Variants in CLGN observed in about 807,000 individuals in gnomAD.
The protein encoded by CLGN is calmegin.
A neutral mutation model predicts 79.1 loss-of-function variants in CLGN; 62 were observed. The observed-to-expected ratio is 0.78, with a 90% CI of 0.64 to 0.97. The LOEUF is 0.97. Among genes scored for constraint, CLGN ranks in the 50% least tolerant of loss-of-function variants. CLGN has a pLI of 0.00. For missense variants in CLGN, 647 were observed against 715.5 expected, an observed-to-expected ratio of 0.90 and a Z score of 1.09; for synonymous variants, 225 against 224.7, an observed-to-expected ratio of 1.00 and a Z score of -0.01.
intron 7 of CLGN, among the ~76,000 whole-genome samples, chr4:140,399,926 T>G (rs1728966919): frequency 6.6e-6 from 1 of 152,300 alleles, no homozygotes; most frequent in Admixed American, 6.5e-5. Context: ...AAGTCTAAAC[T>G]TTTTAGTCTG....
At chr4:140,423,967 A>C (rs1729517499) in intron 1 of CLGN, among the ~76,000 whole-genome samples, 1 of 151,610 alleles carries the variant, frequency 6.6e-6, no homozygotes, top group Non-Finnish European at 1.5e-5. Flanking sequence ...CGAAGAATTA[A>C]CTCTTGATTT....
chr4:140,405,395 A>G (rs1041201972), intron 5 of CLGN, among the ~76,000 whole-genome samples: 4 of 150,732 alleles, frequency 2.7e-5, no homozygotes, highest in Admixed American at 6.6e-5. Flanking sequence ...CGTTTTAGCC[A>G]GGATGGTCTC....
chr4:140,407,437 T>C (rs1419315381), intron 4 of CLGN, among the ~76,000 whole-genome samples: 6 of 152,010 alleles, frequency 3.9e-5, no homozygotes, highest in Admixed American at 3.9e-4. Flanking sequence ...CCCAAAAGAC[T>C]CATCCAATAG....
At chr4:140,405,620 T>G (rs1729092635) in intron 5 of CLGN, among the ~76,000 whole-genome samples, 1 of 152,218 alleles carries the variant, frequency 6.6e-6, no homozygotes, top group African/African-American at 2.4e-5. Flanking sequence ...AAACTATTTA[T>G]TCCTCATTTA....
intron 7 of CLGN, among the ~76,000 whole-genome samples, chr4:140,399,325 G>T (rs1728953815): frequency 6.6e-6 from 1 of 152,112 alleles, no homozygotes; most frequent in Non-Finnish European, 1.5e-5. Flanking sequence ...TAACGAGTCA[G>T]CTTCACTCTT....
At chr4:140,397,834 G>T (rs1447964755) in intron 8 of CLGN, among the ~76,000 whole-genome samples, 1 of 152,184 alleles carries the variant, frequency 6.6e-6, no homozygotes, top group Non-Finnish European at 1.5e-5. Flanking sequence ...AACCCAGGAG[G>T]CAGAGGCTGC....
At chr4:140,422,545 T>G (rs1729490553) in intron 1 of CLGN, among the ~76,000 whole-genome samples, 2 of 152,256 alleles carry the variant, frequency 1.3e-5, no homozygotes, top group South Asian at 4.1e-4. Flanking sequence ...CTTAATTTCC[T>G]GTTCATTGTT....
chr4:140,420,723 T>C (rs1729454602), intron 1 of CLGN, among the ~76,000 whole-genome samples: 1 of 152,134 alleles, frequency 6.6e-6, no homozygotes, highest in African/African-American at 2.4e-5. Context: ...CAAACAAAAC[T>C]ATGAGGTTTG....
At position 140,389,230 on chromosome 4, in the gene CLGN, C is replaced by A. The variant is rs768467989; in HGVS notation, c.1827G>T (p.Lys609Asn). 1.1e-5 allele frequency: 17 copies of A among 1,611,808 alleles called. No individual in the cohort carries two copies. The highest frequency in any genetic ancestry group is 1.4e-5 in the Non-Finnish European group (17 of 1,178,426). ...AAAAATATTTCAATCTAGTTTAGTC[C>A]TTTCGTACTCTTCTTTTGCGTACTG... ...IKSVRKRRVR[K>N]D Residue 609 changes from lysine (K) to asparagine (N), a missense_variant, in exon 15 of 15, where the codon AAG becomes AAT. Lys to Asn is a moderately conservative substitution (Grantham distance 94). Transcript: ENST00000325617.
At chr4:140,403,742 C>A (rs919983345) in intron 5 of CLGN, among the ~76,000 whole-genome samples, 2 of 152,174 alleles carry the variant, frequency 1.3e-5, no homozygotes, top group Admixed American at 1.3e-4. Flanking sequence ...TCTTATACTG[C>A]AAACTTTTAG....
In CLGN at chr4:140,398,826, C is replaced by T. The variant is rs547545557; in HGVS notation, c.884+25G>A. The T allele has an allele frequency of 6.2e-6, 10 of 1,606,150 alleles. 1 individual carries two copies. Among genetic ancestry groups the T allele is most frequent in the East Asian group, 4.5e-5 (2 of 44,764 alleles). ...CATTACCTAGTTATGCCAGATAATG[C>T]TTTGCTACCGAATTATTTGCTTACC... is the stretch of plus-strand genomic sequence containing the variant. On this transcript the variant is annotated intron_variant, in intron 8 of 14. Coordinates refer to ENST00000325617, the MANE Select transcript of CLGN (RefSeq NM_004362.3).
chr4:140,401,045 C>T (rs2668582), intron 6 of CLGN, among the ~76,000 whole-genome samples: 9,790 of 152,090 alleles, frequency 0.064, 396 homozygotes, highest in African/African-American at 0.11. Context: ...CAGCATGGGG[C>T]ATGGAGTCAG....
intron 14 of CLGN, among the ~76,000 whole-genome samples, chr4:140,389,803 C>T (rs1044562649): frequency 6.6e-6 from 1 of 151,740 alleles, no homozygotes; most frequent in African/African-American, 2.4e-5. Flanking sequence ...TTAGGAAAGA[C>T]TTAACAATAA....
chr4:140,399,038 T>C lies in CLGN; in HGVS notation c.697A>G (p.Met233Val). Reference protein sequence around the residue: ...DRKTHLYTLVMNPDDTFEVLV... With the variant: ...DRKTHLYTLVVNPDDTFEVLV... ...ACCTCAAATGTGTCATCTGGATTCA[T>C]CACTAAGGGACCAATTTAAATAAAT... is the stretch of plus-strand genomic sequence containing the variant. The change falls in exon 8 of 15, where the codon ATG (methionine) becomes GTG (valine). Residue 233 changes from methionine to valine, a missense_variant and splice_region_variant. Physicochemically the swap from Met to Val is conservative, Grantham distance 21. Transcript: ENST00000325617. 6.2e-7 allele frequency: 1 copy of C among 1,602,276 alleles called. No homozygotes were observed. Among genetic ancestry groups the C allele is most frequent in the Non-Finnish European group, 8.5e-7 (1 of 1,176,266 alleles).
At chr4:140,390,083 A>G (rs180714105) in intron 14 of CLGN, among the ~76,000 whole-genome samples, 1 of 151,434 alleles carries the variant, frequency 6.6e-6, no homozygotes, top group East Asian at 1.9e-4. Context: ...ATAACTTACA[A>G]AAAAAAAGCA....
intron 10 of CLGN, 117 bp from the exon 11 acceptor site, chr4:140,394,158 T>C (rs962848367): frequency 1.0e-4 from 67 of 660,358 alleles, no homozygotes; most frequent in Non-Finnish European, 1.3e-4. Context: ...AAGAGAATTT[T>C]AACTGATATT....
intron 3 of CLGN, 59 bp downstream of exon 3, chr4:140,410,494 C>T (rs1729189461): frequency 1.6e-6 from 2 of 1,244,378 alleles, no homozygotes; most frequent in Admixed American, 1.8e-5. Flanking sequence ...AGGCCAAAAC[C>T]TAATAACTTC....
chr4:140,421,238 G>A (rs900385527), intron 1 of CLGN, among the ~76,000 whole-genome samples: 1 of 152,090 alleles, frequency 6.6e-6, no homozygotes, highest in Non-Finnish European at 1.5e-5. Flanking sequence ...CCTGTTGGCT[G>A]TTGTGAATAA....
intron 8 of CLGN, among the ~76,000 whole-genome samples, chr4:140,396,901 A>ACG (rs1189780277): frequency 2.5e-4 from 16 of 64,186 alleles, no homozygotes; most frequent in African/African-American, 6.7e-4. Flanking sequence ...GTATATATAT[A>ACG]TATATGTATA....
Sources: gnomAD v4.1 joint callset for allele counts (sites outside exome capture counted in the v4.1 genomes callset) on GRCh38, gnomAD v4.1.1 for gene constraint, MANE v1.5 for transcripts, NCBI Gene and HGNC (gene_info 2026-07-23, HGNC 2026-07-21) for gene names.